Variants in PSIP1 observed in about 807,000 individuals in gnomAD.
PSIP1 encodes the protein PC4 and SRSF1 interacting protein 1.
PSIP1 carries 19 observed loss-of-function variants against 74.7 expected under a neutral mutation model. That is an observed-to-expected ratio of 0.25 (90% CI 0.18 to 0.37). PSIP1 has a LOEUF of 0.37. Among genes scored for constraint, PSIP1 ranks in the 10% least tolerant of loss-of-function variants. The pLI is 1.00. For synonymous variants in PSIP1, 222 were observed against 195.3 expected (o/e 1.14, Z -1.14); for missense variants, 601 against 614.3 (o/e 0.98, Z 0.23).
chr9:15,507,508 C>T (rs965654064), intron 2 of PSIP1, among the ~76,000 whole-genome samples: 1 of 152,132 alleles, frequency 6.6e-6, no homozygotes, highest in East Asian at 1.9e-4. Flanking sequence ...ATTAGCAGGG[C>T]ACGGTGTCAG....
intron 15 of PSIP1, 52 bp downstream of exon 15, chr9:15,466,695 TA>T (rs563230930): frequency 0.019 from 27,024 of 1,420,792 alleles, 317 homozygotes; most frequent in Non-Finnish European, 0.022. Context: ...GAACTGTGAT[TA>T]AAAACCTGAA....
chr9:15,490,194 C>T (rs1048162070), intron 3 of PSIP1, 70 bp from the exon 4 acceptor site: 39 of 1,329,552 alleles, frequency 2.9e-5, no homozygotes, highest in Non-Finnish European at 3.9e-5. Context: ...ATAAGACACC[C>T]TATTACACAA....
intron 3 of PSIP1, among the ~76,000 whole-genome samples, chr9:15,493,282 C>T (rs2036918867): frequency 6.6e-6 from 1 of 152,196 alleles, no homozygotes; most frequent in Non-Finnish European, 1.5e-5. Flanking sequence ...TAGAGCAGAG[C>T]AAGAGTGATC....
intron 3 of PSIP1, among the ~76,000 whole-genome samples, chr9:15,501,856 T>TAA (rs2037361701): frequency 1.4e-5 from 2 of 147,394 alleles, no homozygotes; most frequent in South Asian, 4.3e-4. Flanking sequence ...TATATATATA[T>TAA]ATATATATAT....
At position 15,482,155 on chromosome 9, in the gene PSIP1, A is replaced by C. The variant is rs914707225; in HGVS notation, c.457-2468T>G. 2.6e-5 allele frequency among the ~76,000 whole-genome samples: 4 copies of C among 152,028 alleles called. No homozygotes were observed. In the South Asian group the frequency reaches 8.3e-4, roughly 32 times the overall value. Reference sequence around the variant, plus strand: ...CACACACACACAAAAACCTCATGGGATTACTATTCAAATGTATTCATAAGT... The same window carrying C: ...CACACACACACAAAAACCTCATGGGCTTACTATTCAAATGTATTCATAAGT... On this transcript the variant is annotated intron_variant, in intron 6 of 15. Coordinates refer to ENST00000380733, the MANE Select transcript of PSIP1 (RefSeq NM_033222.5).
At chr9:15,497,985 A>C (rs1000472052) in intron 3 of PSIP1, among the ~76,000 whole-genome samples, 2 of 152,198 alleles carry the variant, frequency 1.3e-5, no homozygotes, top group Admixed American at 1.3e-4. Context: ...TAACACCTAC[A>C]CACTATTTCA....
At chr9:15,484,601 C>G (rs1488166407) in intron 6 of PSIP1, among the ~76,000 whole-genome samples, 1 of 151,928 alleles carries the variant, frequency 6.6e-6, no homozygotes, top group Non-Finnish European at 1.5e-5. Context: ...GTGGTGTGCA[C>G]CCGTAATCCC....
intron 10 of PSIP1, chr9:15,472,150 G>A: frequency 1.0e-6 from 1 of 984,756 alleles, no homozygotes; most frequent in Non-Finnish European, 1.2e-6. Flanking sequence ...ACATAATAAT[G>A]TACACCCTGT....
intron 15 of PSIP1, among the ~76,000 whole-genome samples, chr9:15,466,199 GA>G (rs1185558668): frequency 1.3e-5 from 2 of 152,222 alleles, no homozygotes; most frequent in South Asian, 2.1e-4. Flanking sequence ...CCAACATGGT[GA>G]AACCTCATCT....
chr9:15,498,526 GGCACGCA>G, intron 3 of PSIP1, among the ~76,000 whole-genome samples: 1 of 152,108 alleles, frequency 6.6e-6, no homozygotes, highest in East Asian at 1.9e-4. Flanking sequence ...ATCTTCCTTG[GGCACGCA>G]GTCCGACAGG....
intron 4 of PSIP1, among the ~76,000 whole-genome samples, chr9:15,488,646 G>T (rs748051893): frequency 6.6e-6 from 1 of 152,114 alleles, no homozygotes; most frequent in African/African-American, 2.4e-5. Context: ...CAGCACTTTG[G>T]GAAGCCGAGG....
Position 15,464,288 on chromosome 9 carries a change from C to T in PSIP1, c.*1232G>A, listed in dbSNP as rs13248. 19,756 of 194,892 alleles carry T rather than the reference C, an allele frequency of 0.1. 2,772 individuals carry two copies. Among genetic ancestry groups the T allele is most frequent in the African/African-American group, 0.34 (14,780 of 43,230 alleles). The allele number at this position is 194,892 out of a possible 1,614,324, so 12.1% of individuals were successfully genotyped here. ...AACAGTTATCTCAGAGGGTCAACCA[C>T]ACAATGTCATACAGAGACGCTGGTC... is the stretch of plus-strand genomic sequence containing the variant. On this transcript the variant is annotated 3_prime_UTR_variant, in exon 16 of 16. Transcript: ENST00000380733.
chr9:15,482,885 G>C (rs1369284194), intron 6 of PSIP1, among the ~76,000 whole-genome samples: 1 of 152,130 alleles, frequency 6.6e-6, no homozygotes, highest in East Asian at 1.9e-4. Context: ...GAGTTCACCT[G>C]AAAGTATCCT....
Position 15,486,867 on chromosome 9 carries a change from G to T in PSIP1, c.353C>A (p.Ser118Ter). 5 of 1,612,196 alleles carry T rather than the reference G, an allele frequency of 3.1e-6. No homozygotes were observed. The highest frequency in any genetic ancestry group is 4.2e-6 in the Non-Finnish European group (5 of 1,179,108). Residue 118 changes from serine to a stop codon, truncating the protein, a stop_gained, in exon 5 of 16, where the codon TCA becomes TAA. Transcript: ENST00000380733. LOFTEE classifies it high-confidence loss of function. The part of the protein sequence containing the change: ...VEVEEKETSV[S>*]KEDTDHEEKA... ...TTCTTCATGGTCGGTATCTTCCTTT[G>T]AAACACTAGTTTCCTTTTCTTCAAC... is the stretch of plus-strand genomic sequence containing the variant.
At position 15,485,993 on chromosome 9, in the gene PSIP1, T is replaced by A; in HGVS notation, c.456+13A>T. On this transcript the variant is annotated intron_variant, in intron 6 of 15. Coordinates refer to ENST00000380733, the MANE Select transcript of PSIP1 (RefSeq NM_033222.5). Reference sequence around the variant, plus strand: ...TTTTCAGATCCCCATGGTTGGTAAGTCAGTGAAATTACCTTTCTCTTTCTC... The same window carrying A: ...TTTTCAGATCCCCATGGTTGGTAAGACAGTGAAATTACCTTTCTCTTTCTC... 6.3e-7 allele frequency: 1 copy of A among 1,590,852 alleles called. No homozygotes were observed. The highest frequency in any genetic ancestry group is 1.7e-4 in the Middle Eastern group (1 of 6,002).
rs769573888 is a variant in PSIP1, at chr9:15,472,685, C to T, written c.924G>A (p.Glu308=). Residue 308 remains glutamate, a synonymous_variant, in exon 10 of 16, where the codon GAG becomes GAA. Coordinates refer to ENST00000380733, the MANE Select transcript of PSIP1 (RefSeq NM_033222.5). Reference sequence around the variant, plus strand: ...TGCGTTTTCGATCTGCTGCTTCTTTCTCATGTTGGCCTTTCAGCATATTCC... The same window carrying T: ...TGCGTTTTCGATCTGCTGCTTCTTTTTCATGTTGGCCTTTCAGCATATTCC... ...HRRNMLKGQH[E]KEAADRKRKQ... is the part of the protein sequence containing the mutation. The T allele has an allele frequency of 6.2e-7, 1 of 1,608,948 alleles. No homozygotes were observed. The highest frequency in any genetic ancestry group is 8.5e-7 in the Non-Finnish European group (1 of 1,178,814).
rs1263652732 is a variant in PSIP1 at position 15,510,323 on chromosome 9, G to A, written c.-135C>T. The A allele has an allele frequency of 3.6e-6, 2 of 558,580 alleles. No homozygotes were observed. Among genetic ancestry groups the A allele is most frequent in the Non-Finnish European group, 5.8e-6 (2 of 343,920 alleles). The allele number at this position is 558,580 out of a possible 1,614,324, so 34.6% of individuals were successfully genotyped here. On this transcript the variant is annotated 5_prime_UTR_variant, in exon 2 of 16. Coordinates refer to ENST00000380733, the MANE Select transcript of PSIP1 (RefSeq NM_033222.5). ...GGAGGATGCCTCGGGGCGTCCCGAC[G>A]CGCCTGCTAGGGAGAGCACCGAGGG...
rs75626414 is a variant in PSIP1, at chr9:15,497,312, C to T, written c.150-7188G>A. ...GAAAAGCCAGCCACTGAAGACCACACGTTCTATGATTCCTTTTTTTTTTTT... is the reference window on the plus strand; with the variant it reads ...GAAAAGCCAGCCACTGAAGACCACATGTTCTATGATTCCTTTTTTTTTTTT... On this transcript the variant is annotated intron_variant, in intron 3 of 15. Transcript: ENST00000380733. Among the ~76,000 whole-genome samples, 248 of 133,350 alleles carry T rather than the reference C, an allele frequency of 1.9e-3. 3 individuals carry two copies. The highest frequency in any genetic ancestry group is 7.6e-3 in the African/African-American group (233 of 30,786). 87.5% of individuals were successfully genotyped at this position (133,350 alleles called of 152,430 possible).
At chr9:15,466,622 C>T (rs1039409900) in intron 15 of PSIP1, 126 bp downstream of exon 15, 1 of 670,646 alleles carries the variant, frequency 1.5e-6, no homozygotes, top group Non-Finnish European at 2.4e-6. Flanking sequence ...AACTTGCTTA[C>T]TGAATTCAGG....
Sources: gnomAD v4.1 joint callset for allele counts (sites outside exome capture counted in the v4.1 genomes callset) on GRCh38, gnomAD v4.1.1 for gene constraint, MANE v1.5 for transcripts, NCBI Gene and HGNC (gene_info 2026-07-23, HGNC 2026-07-21) for gene names.